Variants in CNTN5 observed in about 807,000 individuals in gnomAD.
The protein encoded by CNTN5 is contactin-5.
CNTN5 carries 77 observed loss-of-function variants against 129.1 expected under a neutral mutation model. That is an observed-to-expected ratio of 0.60 (90% confidence interval 0.50 to 0.72). The LOEUF (loss-of-function observed/expected upper bound fraction) is 0.72. Ranked by LOEUF, CNTN5 falls within the 30% of genes least tolerant of loss-of-function variation. The pLI is 0.00. For missense variants in CNTN5, 1,478 were observed against 1,328.8 expected (o/e 1.11, Z -1.75); for synonymous variants, 509 against 465.6 (o/e 1.09, Z -1.20).
chr11:100,045,502 A>G (rs1201768511), intron 9 of CNTN5, among the ~76,000 whole-genome samples: 1 of 152,134 alleles, frequency 6.6e-6, no homozygotes, highest in Non-Finnish European at 1.5e-5. Flanking sequence ...TAGATTTAAG[A>G]AAGTAATAAC....
chr11:99,496,363 A>ATTT (rs1365511254), intron 2 of CNTN5, among the ~76,000 whole-genome samples: 1 of 152,086 alleles, frequency 6.6e-6, no homozygotes, highest in Non-Finnish European at 1.5e-5. Flanking sequence ...AGTGAAAATG[A>ATTT]TTTTTTTAAG....
intron 2 of CNTN5, among the ~76,000 whole-genome samples, chr11:99,381,681 GCA>G (rs1476414939): frequency 1.3e-5 from 2 of 152,084 alleles, no homozygotes; most frequent in African/African-American, 4.8e-5. Context: ...CAGCAGAAAT[GCA>G]CAGTCAAGTT....
chr11:99,469,556 T>G (rs1179436843), intron 2 of CNTN5, among the ~76,000 whole-genome samples: 2 of 152,122 alleles, frequency 1.3e-5, no homozygotes, highest in Non-Finnish European at 2.9e-5. Context: ...AGCTCTGATT[T>G]TCCCATTCCC....
At chr11:99,456,547 G>A (rs1944502395) in intron 2 of CNTN5, among the ~76,000 whole-genome samples, 1 of 152,054 alleles carries the variant, frequency 6.6e-6, no homozygotes, top group Non-Finnish European at 1.5e-5. Flanking sequence ...AAGGGATTCA[G>A]GAGATCTAAA....
At chr11:99,845,459 G>A (rs1013599004) in intron 6 of CNTN5, among the ~76,000 whole-genome samples, 197 bp downstream of exon 6, 14 of 123,234 alleles carry the variant, frequency 1.1e-4, no homozygotes, top group African/African-American at 3.8e-4. Flanking sequence ...TGCAAGCTCC[G>A]CCTCCCGGGT....
intron 13 of CNTN5, among the ~76,000 whole-genome samples, chr11:100,173,864 C>T (rs1947888939): frequency 6.6e-6 from 1 of 152,086 alleles, no homozygotes; most frequent in Non-Finnish European, 1.5e-5. Context: ...CTTGCCTGCT[C>T]ATTCTGTCCT....
chr11:99,481,183 G>A (rs1414729697), intron 2 of CNTN5, among the ~76,000 whole-genome samples: 2 of 151,938 alleles, frequency 1.3e-5, no homozygotes, highest in Admixed American at 1.3e-4. Context: ...TGGGTCTTCA[G>A]TAAGCAGTAA....
chr11:99,503,502 C>T (rs966957475), intron 2 of CNTN5, among the ~76,000 whole-genome samples: 8 of 152,182 alleles, frequency 5.3e-5, no homozygotes, highest in African/African-American at 1.9e-4. Flanking sequence ...ATAATCACTT[C>T]CAGGAAGCTT....
At chr11:99,832,455 T>C (rs1396728666) in intron 4 of CNTN5, among the ~76,000 whole-genome samples, 1 of 152,186 alleles carries the variant, frequency 6.6e-6, no homozygotes, top group Non-Finnish European at 1.5e-5. Flanking sequence ...TTATGTTGTG[T>C]GTACAACGAA....
chr11:99,334,319 G>A (rs568826100), intron 2 of CNTN5, among the ~76,000 whole-genome samples: 7 of 152,198 alleles, frequency 4.6e-5, no homozygotes, highest in Admixed American at 3.9e-4. Flanking sequence ...TAGCAGCTAA[G>A]GAAACTGTAA....
intron 13 of CNTN5, among the ~76,000 whole-genome samples, chr11:100,186,201 A>AAT (rs1948297225): frequency 6.6e-6 from 1 of 151,936 alleles, no homozygotes; most frequent in African/African-American, 2.4e-5. Context: ...TCTACAAATA[A>AAT]ATAAGTAACT....
intron 18 of CNTN5, among the ~76,000 whole-genome samples, chr11:100,295,780 A>G (rs1215000137): frequency 1.3e-5 from 2 of 151,332 alleles, no homozygotes; most frequent in Non-Finnish European, 3.0e-5. Context: ...ATGTCCTCAA[A>G]GAAGAGGATT....
At chr11:99,950,780 T>G (rs371386741) in intron 7 of CNTN5, among the ~76,000 whole-genome samples, 194 of 152,350 alleles carry the variant, frequency 1.3e-3, no homozygotes, top group African/African-American at 4.1e-3. Context: ...TACTACCACG[T>G]AGACATTATT....
At chr11:99,219,012 T>C (rs1860268171) in intron 1 of CNTN5, among the ~76,000 whole-genome samples, 1 of 152,064 alleles carries the variant, frequency 6.6e-6, no homozygotes, top group Non-Finnish European at 1.5e-5. Flanking sequence ...CCTGGACTGC[T>C]TTAATATGAA....
chr11:99,462,916 C>T (rs1177283314), intron 2 of CNTN5, among the ~76,000 whole-genome samples: 1 of 151,884 alleles, frequency 6.6e-6, no homozygotes, highest in East Asian at 1.9e-4. Context: ...GAAACCCCGT[C>T]TCTACTAAAA....
chr11:100,048,987 T>C (rs1942826848), intron 9 of CNTN5, among the ~76,000 whole-genome samples: 3 of 152,122 alleles, frequency 2.0e-5, no homozygotes, highest in South Asian at 4.1e-4. Context: ...AAAAATTAAA[T>C]ACATTTATTC....
intron 1 of CNTN5, among the ~76,000 whole-genome samples, chr11:99,302,522 A>C (rs929440984): frequency 3.3e-5 from 5 of 151,822 alleles, no homozygotes; most frequent in African/African-American, 1.2e-4. Context: ...TTATTGATAC[A>C]TAATACATAT....
intron 6 of CNTN5, among the ~76,000 whole-genome samples, chr11:99,904,101 A>G (rs1440463281): frequency 1.3e-5 from 2 of 152,176 alleles, no homozygotes; most frequent in Admixed American, 6.6e-5. Flanking sequence ...ATATAGTTCT[A>G]TCATCATATA....
chr11:99,599,133 C>T (rs542245269), intron 3 of CNTN5, among the ~76,000 whole-genome samples: 3 of 151,286 alleles, frequency 2.0e-5, no homozygotes, highest in South Asian at 4.2e-4. Context: ...TCATAATATA[C>T]ACTGTGTCTA....
Sources: gnomAD v4.1 joint callset for allele counts (sites outside exome capture counted in the v4.1 genomes callset) on GRCh38, gnomAD v4.1.1 for gene constraint, MANE v1.5 for transcripts, NCBI Gene and HGNC (gene_info 2026-07-23, HGNC 2026-07-21) for gene names.